NOL8: variants seen among roughly 807,000 people sequenced by gnomAD.
NOL8 encodes nucleolar protein 8, also known as nucleolar protein Nop132.
Under a neutral mutation model 116.1 loss-of-function variants are expected in NOL8, and 93 were observed. The ratio of observed to expected loss-of-function variants is 0.80; its 90% CI spans 0.68 to 0.95. The LOEUF (loss-of-function observed/expected upper bound fraction) is 0.95, where lower values mean the gene tolerates loss of function less well. Among genes scored for constraint, NOL8 ranks in the 40% least tolerant of loss-of-function variants. NOL8 has a pLI of 0.00. For missense variants in NOL8, 1,291 were observed against 1,382.8 expected, an observed-to-expected ratio of 0.93 and a Z score of 1.05; for synonymous variants, 419 against 469.0, an observed-to-expected ratio of 0.89 and a Z score of 1.38.
At chr9:92,313,242 A>G (rs1438573216) in intron 7 of NOL8, among the ~76,000 whole-genome samples, 1 of 152,006 alleles carries the variant, frequency 6.6e-6, no homozygotes, top group Non-Finnish European at 1.5e-5. Context: ...TACGGTTTTG[A>G]CTTTCCACCT....
At chr9:92,303,238 T>A (rs72750482) in intron 12 of NOL8, among the ~76,000 whole-genome samples, 4,660 of 152,206 alleles carry the variant, frequency 0.031, 112 homozygotes, top group South Asian at 0.079. Context: ...AGATCAACTC[T>A]ATGACAGCCT....
At chr9:92,317,417 AAAG>A (rs1394998826) in intron 6 of NOL8, among the ~76,000 whole-genome samples, 1 of 152,234 alleles carries the variant, frequency 6.6e-6, no homozygotes, top group African/African-American at 2.4e-5. Context: ...GGAAAGTGGA[AAAG>A]AAGAAATCAG....
At chr9:92,324,234 C>T (rs1027489165) in intron 1 of NOL8, 25 bp from the exon 2 acceptor site, 9 of 1,456,910 alleles carry the variant, frequency 6.2e-6, no homozygotes, top group South Asian at 2.8e-5. Flanking sequence ...GAGTTCTTTC[C>T]CTTAGTTCTT....
At chr9:92,300,955 CAGAA>C in intron 13 of NOL8, 2 of 792,266 alleles carry the variant, frequency 2.5e-6, no homozygotes, top group Non-Finnish European at 3.1e-6. Context: ...TGGGAACTTC[CAGAA>C]AGCTGGAACC....
At chr9:92,312,736 A>G (rs1300410332) in intron 7 of NOL8, among the ~76,000 whole-genome samples, 1 of 149,804 alleles carries the variant, frequency 6.7e-6, no homozygotes, top group Non-Finnish European at 1.5e-5. Flanking sequence ...CTGAGGCAGG[A>G]GAATTGCTTG....
rs940164063 is a variant in NOL8, at chr9:92,324,058, G to A, written c.104C>T (p.Ser35Leu). 5 of 1,613,946 alleles carry A rather than the reference G, an allele frequency of 3.1e-6. No homozygotes were observed. In the South Asian group the frequency reaches 3.3e-5, roughly 11 times the overall value. Residue 35 changes from serine (S) to leucine (L), a missense_variant, in exon 2 of 17, where the codon TCG (serine) becomes TTG (leucine). Ser to Leu is a moderately radical substitution (Grantham distance 145, BLOSUM62 -2). Coordinates refer to ENST00000442668, the MANE Select transcript of NOL8 (RefSeq NM_017948.6). ...QNQFSRFGEV[S>L]DVEIITRKDD... ...TTTCCGTGTGATGATCTCCACATCC[G>A]AAACTTCTCCAAATCTGCTGAACTG...
At chr9:92,312,230 T>A (rs1838858535) in intron 7 of NOL8, among the ~76,000 whole-genome samples, 1 of 151,044 alleles carries the variant, frequency 6.6e-6, no homozygotes. Flanking sequence ...CAAGGCAGGC[T>A]GATTGCTTGA....
chr9:92,310,715 C>G, intron 8 of NOL8, 40 bp from the exon 9 acceptor site: 1 of 1,570,216 alleles, frequency 6.4e-7, no homozygotes, highest in Non-Finnish European at 8.6e-7. Flanking sequence ...CAGAGGCAAA[C>G]AAGCAGTATT....
intron 12 of NOL8, among the ~76,000 whole-genome samples, chr9:92,302,030 CTT>C (rs1450445874): frequency 6.6e-6 from 1 of 152,080 alleles, no homozygotes; most frequent in African/African-American, 2.4e-5. Flanking sequence ...GATCAATAAG[CTT>C]TTTTTACACA....
At chr9:92,308,407 A>G (rs1254693865) in intron 10 of NOL8, among the ~76,000 whole-genome samples, 6 of 152,154 alleles carry the variant, frequency 3.9e-5, no homozygotes, top group Admixed American at 3.9e-4. Context: ...AAAAAACAAC[A>G]ACAGAGATTC....
intron 7 of NOL8, among the ~76,000 whole-genome samples, chr9:92,313,035 C>G (rs1422565996): frequency 6.6e-6 from 1 of 151,574 alleles, no homozygotes. Context: ...CTGAACATGT[C>G]TAAACCTATC....
In NOL8 at chr9:92,301,774, C is replaced by T. The variant is rs1239776320; in HGVS notation, c.2952G>A (p.Glu984=). Residue 984 remains glutamate, a synonymous_variant, in exon 13 of 17, where the codon GAG becomes GAA. Coordinates refer to ENST00000442668, the MANE Select transcript of NOL8 (RefSeq NM_017948.6). Reference sequence around the variant, plus strand: ...TATTATAATACATTTCTTTAGACACCTCAGGTAGTTTCTCAGCTTCCTCCC... The same window carrying T: ...TATTATAATACATTTCTTTAGACACTTCAGGTAGTTTCTCAGCTTCCTCCC... ...KKREEAEKLP[E]VSKEMYYNIA... is the part of the protein sequence containing the mutation. The T allele has an allele frequency of 1.2e-6, 2 of 1,601,680 alleles. No individual in the cohort carries two copies. The highest frequency in any genetic ancestry group is 2.2e-5 in the South Asian group (2 of 89,138).
chr9:92,305,783 T>C lies in NOL8; in HGVS notation c.2873A>G (p.Glu958Gly). The stretch of plus-strand genomic sequence containing the variant: ...TTTTGGCTTATCATCTCTTTTTCTT[T>C]CGTAAGTGGCATGGTCTTGCTTCGT... ...DPTKQDHATY[E>G]RKRDDKPKES... The change falls in exon 12 of 17, where the codon GAA (glutamate) becomes GGA (glycine). Residue 958 changes from glutamate (E) to glycine (G), a missense_variant. Physicochemically the swap from Glu to Gly is moderately conservative, Grantham distance 98 (BLOSUM62 -2). Transcript: ENST00000442668. The C allele has an allele frequency of 6.2e-7, 1 of 1,612,488 alleles. No homozygotes were observed. The highest frequency in any genetic ancestry group is 1.3e-5 in the African/African-American group (1 of 74,980).
At chr9:92,310,429 T>C in intron 9 of NOL8, 124 bp downstream of exon 9, 3 of 1,245,586 alleles carry the variant, frequency 2.4e-6, no homozygotes, top group Non-Finnish European at 3.4e-6. Context: ...GAAGACTCAC[T>C]CTCCAAATAA....
intron 10 of NOL8, among the ~76,000 whole-genome samples, chr9:92,309,391 GA>G (rs1299108618): frequency 6.6e-6 from 1 of 152,060 alleles, no homozygotes; most frequent in Non-Finnish European, 1.5e-5. Context: ...TATGTCTGTA[GA>G]AAAAGGAAGA....
At chr9:92,321,832 A>C (rs1839954028) in intron 3 of NOL8, 86 bp from the exon 4 acceptor site, 1 of 695,604 alleles carries the variant, frequency 1.4e-6, no homozygotes. Flanking sequence ...AGTATCAAGA[A>C]AAGCAGGCTT....
chr9:92,305,573 G>A (rs575637229), intron 12 of NOL8, among the ~76,000 whole-genome samples, 180 bp downstream of exon 12: 1 of 152,130 alleles, frequency 6.6e-6, no homozygotes, highest in East Asian at 1.9e-4. Context: ...CTGTTAAAAG[G>A]TAAGACCTCC....
chr9:92,305,898 A>G, intron 11 of NOL8, 68 bp from the exon 12 acceptor site: 1 of 1,044,882 alleles, frequency 9.6e-7, no homozygotes, highest in Non-Finnish European at 1.5e-6. Flanking sequence ...AGTAAGTAGC[A>G]AATTATAATT....
chr9:92,301,675 A>AT lies in NOL8; in HGVS notation c.3050dup (p.Asn1017LysfsTer2), dbSNP rs1837756800. On this transcript the variant is annotated frameshift_variant, in exon 13 of 17. Coordinates refer to ENST00000442668, the MANE Select transcript of NOL8 (RefSeq NM_017948.6). LOFTEE classifies it high-confidence loss of function. ...CAGGTTTCTCTTTACCACAGTCCTC[A>AT]TTCCAGGGTGTGCCCTCTTCCTTTT... 1.2e-6 allele frequency: 2 copies of AT among 1,605,608 alleles called. No individual in the cohort carries two copies.
Sources: gnomAD v4.1 joint callset for allele counts (sites outside exome capture counted in the v4.1 genomes callset) on GRCh38, gnomAD v4.1.1 for gene constraint, MANE v1.5 for transcripts, NCBI Gene and HGNC (gene_info 2026-07-23, HGNC 2026-07-21) for gene names.